LZTFL1: variants seen among roughly 807,000 people sequenced by gnomAD.
The protein encoded by LZTFL1 is leucine zipper transcription factor-like protein 1.
In LZTFL1, 25 loss-of-function variants were observed where a neutral mutation model predicts 45.9. The ratio of observed to expected loss-of-function variants is 0.54; its 90% CI spans 0.40 to 0.76. LZTFL1 has a LOEUF of 0.76. Ranked by LOEUF, LZTFL1 falls within the 30% of genes least tolerant of loss-of-function variation. LZTFL1 has a pLI of 0.00. For synonymous variants in LZTFL1, 93 were observed against 117.4 expected, an observed-to-expected ratio of 0.79 and a Z score of 1.35; for missense variants, 277 against 331.1, an observed-to-expected ratio of 0.84 and a Z score of 1.27.
intron 2 of LZTFL1, chr3:45,895,175 A>C (rs1702313261): frequency 1.7e-6 from 1 of 575,370 alleles, no homozygotes. Context: ...TTGTGGAGAC[A>C]GAGGAAAATG....
intron 2 of LZTFL1, among the ~76,000 whole-genome samples, chr3:45,864,459 T>C (rs758317476): frequency 7.2e-5 from 11 of 152,232 alleles, no homozygotes; most frequent in Non-Finnish European, 1.5e-4. Flanking sequence ...TTATAAATTA[T>C]GGTATGTCCA....
At chr3:45,898,182 C>A (rs1446827090) in intron 2 of LZTFL1, among the ~76,000 whole-genome samples, 3 of 152,164 alleles carry the variant, frequency 2.0e-5, no homozygotes, top group Non-Finnish European at 4.4e-5. Context: ...GGTCTCCATG[C>A]TCTTCACAGT....
chr3:45,886,350 CTTCAGATGAGACAGT>C (rs1701980693), intron 2 of LZTFL1, among the ~76,000 whole-genome samples: 1 of 152,188 alleles, frequency 6.6e-6, no homozygotes, highest in Non-Finnish European at 1.5e-5. Context: ...GTATGTGCGT[CTTCAGATGAGACAGT>C]TTCCCCTTAT....
At chr3:45,897,537 A>G in intron 2 of LZTFL1, 2 of 1,501,246 alleles carry the variant, frequency 1.3e-6, no homozygotes, top group Middle Eastern at 1.7e-4. Flanking sequence ...TTTCTGCACA[A>G]TTTCTCCCAT....
At chr3:45,875,616 A>G (rs1010781785) in intron 2 of LZTFL1, among the ~76,000 whole-genome samples, 2 of 152,230 alleles carry the variant, frequency 1.3e-5, no homozygotes, top group Non-Finnish European at 2.9e-5. Flanking sequence ...AAGCCCAGCC[A>G]TTCAAGACCA....
At chr3:45,914,868 G>A (rs1702866129) in intron 1 of LZTFL1, among the ~76,000 whole-genome samples, 1 of 152,194 alleles carries the variant, frequency 6.6e-6, no homozygotes, top group Non-Finnish European at 1.5e-5. Context: ...CCCAACAGCT[G>A]GGTGGCGTCC....
chr3:45,911,089 A>AG (rs1225739868), intron 2 of LZTFL1, among the ~76,000 whole-genome samples: 2 of 152,182 alleles, frequency 1.3e-5, no homozygotes, highest in Non-Finnish European at 2.9e-5. Context: ...AAGAGAACCA[A>AG]GGGGAAGTTG....
intron 4 of LZTFL1, among the ~76,000 whole-genome samples, chr3:45,852,850 C>T (rs918073110): frequency 1.3e-5 from 2 of 152,204 alleles, no homozygotes; most frequent in Non-Finnish European, 2.9e-5. Context: ...CCAATCAAGG[C>T]ACCTTCTTTC....
chr3:45,878,800 G>C (rs963616780), intron 2 of LZTFL1, among the ~76,000 whole-genome samples: 3 of 152,196 alleles, frequency 2.0e-5, no homozygotes, highest in Non-Finnish European at 4.4e-5. Context: ...ACTTCACTGG[G>C]CCAGGTGCAG....
At chr3:45,864,667 C>T (rs1046750250) in intron 2 of LZTFL1, among the ~76,000 whole-genome samples, 2 of 151,932 alleles carry the variant, frequency 1.3e-5, no homozygotes, top group Admixed American at 6.6e-5. Context: ...TAAATAAGTA[C>T]CATTTAATGT....
intron 2 of LZTFL1, among the ~76,000 whole-genome samples, chr3:45,907,688 T>C (rs1702709249): frequency 6.6e-6 from 1 of 152,174 alleles, no homozygotes; most frequent in Non-Finnish European, 1.5e-5. Flanking sequence ...AGCCCGGTTA[T>C]CCTCCTGTGT....
intron 1 of LZTFL1, 127 bp from the exon 2 acceptor site, chr3:45,838,178 T>C (rs1701014028): frequency 1.2e-5 from 13 of 1,072,682 alleles, no homozygotes; most frequent in Non-Finnish European, 1.7e-5. Flanking sequence ...TCTTCCCTTC[T>C]TCCTGGCTGC....
intron 2 of LZTFL1, among the ~76,000 whole-genome samples, chr3:45,867,454 A>G (rs553373677): frequency 6.6e-6 from 1 of 152,224 alleles, no homozygotes; most frequent in South Asian, 2.1e-4. Context: ...TAGTCTGAAC[A>G]CATCCATCAA....
At chr3:45,904,145 A>G (rs1702633672) in intron 2 of LZTFL1, among the ~76,000 whole-genome samples, 1 of 152,196 alleles carries the variant, frequency 6.6e-6, no homozygotes, top group African/African-American at 2.4e-5. Context: ...CATGTTTTAA[A>G]TGCCCAGACT....
At chr3:45,842,289 A>T (rs930174248), upstream of LZTFL1, 3 of 806,108 alleles carry the variant, frequency 3.7e-6, no homozygotes, top group Non-Finnish European at 5.5e-6. Flanking sequence ...AGCTGACTGC[A>T]GTTGCAGAAG....
At chr3:45,860,830 C>T (rs932060578) in intron 2 of LZTFL1, among the ~76,000 whole-genome samples, 4 of 152,122 alleles carry the variant, frequency 2.6e-5, no homozygotes, top group African/African-American at 4.8e-5. Context: ...AGTACGAAAT[C>T]GTTGACCATT....
chr3:45,902,983 A>T (rs979008971), intron 2 of LZTFL1: 1 of 167,134 alleles, frequency 6.0e-6, no homozygotes. Context: ...TGAAAAAAAT[A>T]AGTAATGGAA....
At chr3:45,890,944 A>T (rs1269044313) in intron 2 of LZTFL1, among the ~76,000 whole-genome samples, 2 of 152,242 alleles carry the variant, frequency 1.3e-5, no homozygotes, top group African/African-American at 4.8e-5. Context: ...ATAAAAGTTC[A>T]AAGTGTACGA....
chr3:45,827,417 T>A lies in LZTFL1; in HGVS notation c.820A>T (p.Met274Leu). Reference sequence around the variant, plus strand: ...TTCTTCTTGGTAAGAATCTCTTTCATGTTTCGATAAGCTGCTGTTTGCTGA... The same window carrying A: ...TTCTTCTTGGTAAGAATCTCTTTCAAGTTTCGATAAGCTGCTGTTTGCTGA... ...KFQQTAAYRN[M>L]KEILTKKNDQ... The change falls in exon 9 of 10, where the codon ATG becomes TTG. Residue 274 changes from methionine (M) to leucine (L), a missense_variant. By Grantham distance (15) the Met-to-Leu change is conservative. Coordinates refer to ENST00000296135, the MANE Select transcript of LZTFL1 (RefSeq NM_020347.4). 6.2e-7 allele frequency: 1 copy of A among 1,614,030 alleles called. No homozygotes were observed. Among genetic ancestry groups the A allele is most frequent in the Non-Finnish European group, 8.5e-7 (1 of 1,179,908 alleles).
Sources: gnomAD v4.1 joint callset for allele counts (sites outside exome capture counted in the v4.1 genomes callset) on GRCh38, gnomAD v4.1.1 for gene constraint, MANE v1.5 for transcripts, NCBI Gene and HGNC (gene_info 2026-07-23, HGNC 2026-07-21) for gene names.